The following SCRN1 variants were observed in gnomAD, a reference collection of about 807,000 sequenced individuals.
SCRN1 encodes the protein secernin-1.
Under a neutral mutation model 43.3 loss-of-function variants are expected in SCRN1, and 19 were observed. The observed-to-expected ratio is 0.44, with a 90% CI of 0.31 to 0.64. SCRN1 has a LOEUF of 0.64. Ranked by LOEUF, SCRN1 falls within the 30% of genes least tolerant of loss-of-function variation. The pLI is 0.09. For missense variants in SCRN1, 447 were observed against 524.1 expected (o/e 0.85, Z 1.44); for synonymous variants, 183 against 188.9 (o/e 0.97, Z 0.26).
chr7:29,961,599 G>A (rs1365208033), intron 2 of SCRN1, among the ~76,000 whole-genome samples: 1 of 151,584 alleles, frequency 6.6e-6, no homozygotes, highest in Admixed American at 6.6e-5. Flanking sequence ...CCTCCCAGAC[G>A]GGGTGGTGGC....
chr7:29,937,099 G>A (rs1410145440), intron 5 of SCRN1, among the ~76,000 whole-genome samples: 12 of 152,092 alleles, frequency 7.9e-5, no homozygotes, highest in African/African-American at 9.7e-5. Context: ...GTGGCGTGGC[G>A]GGCCACTAAC....
chr7:29,972,220 A>G (rs1788687586), intron 1 of SCRN1, among the ~76,000 whole-genome samples: 1 of 152,234 alleles, frequency 6.6e-6, no homozygotes, highest in Non-Finnish European at 1.5e-5. Context: ...CCAGAGGAAG[A>G]TAAGATGGGG....
At chr7:29,942,011 T>G (rs1184511664) in intron 4 of SCRN1, among the ~76,000 whole-genome samples, 2 of 152,240 alleles carry the variant, frequency 1.3e-5, no homozygotes, top group Non-Finnish European at 2.9e-5. Context: ...TATGTTTTGC[T>G]TCACTGATTT....
intron 1 of SCRN1, among the ~76,000 whole-genome samples, chr7:29,973,899 A>G (rs1788734603): frequency 6.6e-6 from 1 of 152,340 alleles, no homozygotes; most frequent in South Asian, 2.1e-4. Flanking sequence ...ACTGGCTGAA[A>G]ATGTCTGCTA....
intron 3 of SCRN1, among the ~76,000 whole-genome samples, chr7:29,951,230 A>G (rs1372519271): frequency 6.6e-6 from 1 of 152,242 alleles, no homozygotes; most frequent in African/African-American, 2.4e-5. Context: ...GCACAGAGCT[A>G]GTGCCTGTGC....
At chr7:29,959,859 G>A (rs1788249071) in intron 2 of SCRN1, among the ~76,000 whole-genome samples, 1 of 151,598 alleles carries the variant, frequency 6.6e-6, no homozygotes, top group South Asian at 2.1e-4. Context: ...AAGTGAGGGA[G>A]ACACTTCTGA....
At chr7:29,989,029 C>T (rs1471932729) in intron 1 of SCRN1, 2 of 152,020 alleles carry the variant, frequency 1.3e-5, no homozygotes, top group Non-Finnish European at 2.9e-5. Flanking sequence ...GGGTGCGGCT[C>T]GAGGGAAGTT....
At position 29,926,560 on chromosome 7, in the gene SCRN1, C is replaced by A; in HGVS notation, c.978G>T (p.Gly326=). The A allele has an allele frequency of 6.2e-7, 1 of 1,614,148 alleles. No homozygotes were observed. The highest frequency in any genetic ancestry group is 1.1e-5 in the South Asian group (1 of 91,074). The part of the protein sequence containing the change: ...LVPKTQSPCF[G]DDDPAKKEPR... ...GCTCCTTTTTGGCAGGGTCGTCATCCCCAAAACAGGGAGACTGTGTTTTGG... is the reference window on the plus strand; with the variant it reads ...GCTCCTTTTTGGCAGGGTCGTCATCACCAAAACAGGGAGACTGTGTTTTGG... The change falls in exon 7 of 8, where the codon GGG becomes GGT. Residue 326 remains glycine (G), a synonymous_variant. Transcript: ENST00000242059.
At position 29,942,002 on chromosome 7, in the gene SCRN1, A is replaced by T. The variant is rs114206833; in HGVS notation, c.545-1126T>A. ...CAGTGCTGGACTAAGTTCTTTCAGTATGTTTTGCTTCACTGATTTACACTT... is the reference window on the plus strand; with the variant it reads ...CAGTGCTGGACTAAGTTCTTTCAGTTTGTTTTGCTTCACTGATTTACACTT... On this transcript the variant is annotated intron_variant, in intron 4 of 7. Transcript: ENST00000242059. Among the ~76,000 whole-genome samples, 332 of 152,338 alleles carry T rather than the reference A, an allele frequency of 2.2e-3. 2 individuals are homozygous for T. Among genetic ancestry groups the T allele is most frequent in the African/African-American group, 7.6e-3 (318 of 41,588 alleles).
intron 2 of SCRN1, among the ~76,000 whole-genome samples, chr7:29,960,007 AAGGGAGGGAGGGAGGG>A (rs375751882): frequency 1.1e-4 from 10 of 88,966 alleles, no homozygotes; most frequent in East Asian, 3.8e-4. Flanking sequence ...GGAAGGAAGG[AAGGGAGGGAGGGAGGG>A]AGGGAGGGAG....
In SCRN1 at chr7:29,920,663, A is replaced by C. The variant is rs1376688360; in HGVS notation, c.*3294T>G. ...CAGATGGCTCTTCAGTCAGGAATGC[A>C]GTTAGTGGTTTCATGACAGACACAC... On this transcript the variant is annotated 3_prime_UTR_variant, in exon 8 of 8. Transcript: ENST00000242059. The C allele has an allele frequency of 6.6e-6, 1 of 152,236 alleles. No individual in the cohort carries two copies. Among genetic ancestry groups the C allele is most frequent in the Non-Finnish European group, 1.5e-5 (1 of 68,076 alleles). The allele number at this position is 152,236 out of a possible 1,614,324, so 9.4% of individuals were successfully genotyped here. A position where few individuals can be genotyped will look rare whatever the true frequency, so the allele number is the denominator to read the frequency against.
intron 1 of SCRN1, among the ~76,000 whole-genome samples, chr7:29,986,494 C>G (rs563872270): frequency 6.6e-6 from 1 of 151,986 alleles, no homozygotes; most frequent in Non-Finnish European, 1.5e-5. Flanking sequence ...ATTTCAAGTG[C>G]TCAATAGCCA....
At chr7:29,925,871 A>AAC (rs1424323762) in intron 7 of SCRN1, among the ~76,000 whole-genome samples, 1 of 151,670 alleles carries the variant, frequency 6.6e-6, no homozygotes, top group Non-Finnish European at 1.5e-5. Flanking sequence ...AAAAAAAAAA[A>AAC]ACCCTAGGAA....
upstream of SCRN1, chr7:29,989,934 G>C (rs868728335): frequency 8.2e-7 from 1 of 1,220,178 alleles, no homozygotes. Flanking sequence ...GGGCCGCGGC[G>C]CTGCTCACCG....
rs900154751 is a variant in SCRN1 at position 29,940,803 on chromosome 7, A to C, written c.618T>G (p.Ser206Arg). 6 of 1,606,220 alleles carry C rather than the reference A, an allele frequency of 3.7e-6. No individual in the cohort carries two copies. The highest frequency in any genetic ancestry group is 1.7e-5 in the Admixed American group (1 of 57,436). Reference sequence around the variant, plus strand: ...TCCACCAACCTTGGCTCTGAGCGTAACTCCTGAGTTCCGGATGCTCTGCAT... The same window carrying C: ...TCCACCAACCTTGGCTCTGAGCGTACCTCCTGAGTTCCGGATGCTCTGCAT... ...KMDAEHPELR[S>R]YAQSQGWWTG... Residue 206 changes from serine (S) to arginine (R), a missense_variant, in exon 5 of 8, where the codon AGT (serine) becomes AGG (arginine). By Grantham distance (110) the Ser-to-Arg change is moderately radical. Transcript: ENST00000242059.
At chr7:29,966,806 T>A (rs1309887912) in intron 2 of SCRN1, among the ~76,000 whole-genome samples, 4 of 152,206 alleles carry the variant, frequency 2.6e-5, no homozygotes, top group African/African-American at 9.6e-5. Context: ...TGTGAAGCCC[T>A]GCCCAGCTGC....
At chr7:29,989,544 C>G in intron 1 of SCRN1, 98 bp downstream of exon 1, 3 of 985,156 alleles carry the variant, frequency 3.0e-6, no homozygotes, top group Non-Finnish European at 3.6e-6. Context: ...GGAGGGACAG[C>G]GGGAGGAGAT....
chr7:29,973,221 T>C (rs1459548144), intron 1 of SCRN1, among the ~76,000 whole-genome samples: 1 of 152,238 alleles, frequency 6.6e-6, no homozygotes, highest in Non-Finnish European at 1.5e-5. Context: ...TAGATGCCAA[T>C]TACACTTCTC....
At chr7:29,925,514 G>A (rs879674886) in intron 7 of SCRN1, among the ~76,000 whole-genome samples, 2 of 152,164 alleles carry the variant, frequency 1.3e-5, no homozygotes, top group East Asian at 3.8e-4. Flanking sequence ...TAACAAGCAC[G>A]TTCCTTCTTC....
Sources: allele counts gnomAD v4.1 joint callset (sites outside exome capture counted in the v4.1 genomes callset), GRCh38; gene constraint gnomAD v4.1.1; transcripts MANE v1.5; gene names NCBI Gene and HGNC (gene_info 2026-07-23, HGNC 2026-07-21).